RPS20: variants seen among roughly 807,000 people sequenced by gnomAD.
RPS20 encodes ribosomal protein S20, also known as small ribosomal subunit protein uS10.
Under a neutral mutation model 15.3 loss-of-function variants are expected in RPS20, and 3 were observed. That is an observed-to-expected ratio of 0.20 (90% confidence interval 0.09 to 0.51). The LOEUF is 0.51. Ranked by LOEUF, RPS20 falls within the 20% of genes least tolerant of loss-of-function variation. RPS20 has a pLI of 0.96. For synonymous variants in RPS20, 62 were observed against 47.8 expected (o/e 1.30, Z -1.23); for missense variants, 67 against 145.9 (o/e 0.46, Z 2.79).
chr8:56,069,772 C>T (rs1350905895), downstream of RPS20: 6 of 1,551,516 alleles, frequency 3.9e-6, no homozygotes, highest in South Asian at 1.2e-5. Context: ...TTCGAATACA[C>T]TTCTCAAAGT....
rs751272740 is a variant in RPS20, at chr8:56,073,099, T to C, written c.351A>G (p.Ala117=). 9.4e-6 allele frequency: 15 copies of C among 1,594,990 alleles called. No homozygotes were observed. The African/African-American group carries it at 1.3e-4, about 14-fold the overall frequency. Residue 117 remains alanine, a synonymous_variant, in exon 4 of 4, where the codon GCA becomes GCG. Transcript: ENST00000009589. ...TATTAAAATAGTTGACTTAAGCATCTGCAATGGTGACTTCCACCTCAACTC... is the reference window on the plus strand; with the variant it reads ...TATTAAAATAGTTGACTTAAGCATCCGCAATGGTGACTTCCACCTCAACTC... ...EPGVEVEVTI[A]DA
chr8:56,073,414 T>TTCACCACAA, intron 3 of RPS20, 142 bp from the exon 4 acceptor site: 1 of 688,954 alleles, frequency 1.5e-6, no homozygotes, highest in Non-Finnish European at 2.5e-6. Flanking sequence ...TCAGGTACCA[T>TTCACCACAA]GGGTTGAAAA....
chr8:56,068,620 G>A (rs923920077), downstream of RPS20: 1 of 150,958 alleles, frequency 6.6e-6, no homozygotes, highest in East Asian at 1.9e-4. Flanking sequence ...CAATCAATAG[G>A]AGTCCCAGAA....
At chr8:56,071,712 T>C (rs745730741), downstream of RPS20, among the ~76,000 whole-genome samples, 3 of 152,210 alleles carry the variant, frequency 2.0e-5, no homozygotes, top group African/African-American at 7.2e-5. Context: ...ATGCAGTTGG[T>C]TGTATACAGA....
At chr8:56,072,557 C>CA (rs201774378), downstream of RPS20, among the ~76,000 whole-genome samples, 10 of 146,218 alleles carry the variant, frequency 6.8e-5, no homozygotes, top group African/African-American at 2.1e-4. Context: ...GTCCCCCCCC[C>CA]CAAAAAAAAA....
At chr8:56,074,291 C>G in intron 1 of RPS20, 90 bp downstream of exon 1, 2 of 1,529,920 alleles carry the variant, frequency 1.3e-6, no homozygotes, top group Non-Finnish European at 1.8e-6. Context: ...CACGCCCCGG[C>G]ATCTGCCCTC....
At chr8:56,072,987 G>A (rs1809807893), downstream of RPS20, 1 of 1,478,760 alleles carries the variant, frequency 6.8e-7, no homozygotes, top group Non-Finnish European at 8.9e-7. Context: ...CCTGAAAAGT[G>A]GAAGTCTCAT....
Position 56,074,422 on chromosome 8 carries a change from G to A in RPS20, c.-39C>T, listed in dbSNP as rs771674295. On this transcript the variant is annotated 5_prime_UTR_variant, in exon 1 of 4. Transcript: ENST00000009589. ...GGGCTTCCTGACCGACTTGTTCCTC[G>A]GCGAGAGCGAACAGCGGTGAGTCAG... is the stretch of plus-strand genomic sequence containing the variant. The A allele has an allele frequency of 1.0e-5, 16 of 1,550,872 alleles. No individual in the cohort carries two copies. The highest frequency in any genetic ancestry group is 1.8e-4 in the Middle Eastern group (1 of 5,416).
At chr8:56,071,861 CA>C (rs1158324994), downstream of RPS20, among the ~76,000 whole-genome samples, 1 of 152,232 alleles carries the variant, frequency 6.6e-6, no homozygotes, top group Non-Finnish European at 1.5e-5. Context: ...GCAATCTTAA[CA>C]ATTTGTAGAT....
chr8:56,072,635 T>C (rs532038402), downstream of RPS20, among the ~76,000 whole-genome samples: 5,986 of 151,742 alleles, frequency 0.039, 397 homozygotes, highest in African/African-American at 0.14. Context: ...AAGTTTTAGT[T>C]CCTAAAACCC....
rs1809878522 is a variant in RPS20, at chr8:56,074,483, T to C, written c.-100A>G. 25 of 1,313,560 alleles carry C rather than the reference T, an allele frequency of 1.9e-5. No individual in the cohort carries two copies. The highest frequency in any genetic ancestry group is 2.5e-5 in the East Asian group (1 of 39,596). 81.4% of individuals were successfully genotyped at this position (1,313,560 alleles called of 1,614,324 possible). A position where few individuals can be genotyped will look rare whatever the true frequency, so the allele number is the denominator to read the frequency against. The stretch of plus-strand genomic sequence containing the variant: ...GTGCGGACCAAAAATCCTCAGCCCT[T>C]ACGACCGCGTCTTCCTCAAAAAGAA... On this transcript the variant is annotated 5_prime_UTR_variant, in exon 1 of 4. Coordinates refer to ENST00000009589, the MANE Select transcript of RPS20 (RefSeq NM_001023.4).
downstream of RPS20, among the ~76,000 whole-genome samples, chr8:56,070,194 T>G (rs1230964211): frequency 6.6e-6 from 1 of 152,182 alleles, no homozygotes; most frequent in Non-Finnish European, 1.5e-5. Context: ...AGTCTTGGTT[T>G]CTTTGGAAAA....
chr8:56,072,272 C>T (rs991228575), downstream of RPS20, among the ~76,000 whole-genome samples: 2 of 151,716 alleles, frequency 1.3e-5, no homozygotes, highest in African/African-American at 2.4e-5. Flanking sequence ...TGAAAATGGG[C>T]CAGGCATGGT....
downstream of RPS20, chr8:56,069,698 T>TA (rs1470919363): frequency 2.6e-6 from 4 of 1,541,508 alleles, no homozygotes; most frequent in East Asian, 9.8e-5. Context: ...TTTCTCCACT[T>TA]ATACCTGCTT....
intron 2 of RPS20, 46 bp from the exon 3 acceptor site, chr8:56,073,814 T>G (rs1478739236): frequency 1.3e-6 from 2 of 1,561,144 alleles, no homozygotes; most frequent in Non-Finnish European, 1.8e-6. Flanking sequence ...ACAATTAAAA[T>G]CGGCTTAAGG....
chr8:56,069,935 TA>T (rs1809706501), downstream of RPS20: 2 of 704,458 alleles, frequency 2.8e-6, no homozygotes, highest in Admixed American at 4.1e-5. Context: ...ACTACTTACA[TA>T]CCATTTACAT....
chr8:56,071,744 T>C (rs1410468635), downstream of RPS20, among the ~76,000 whole-genome samples: 1 of 152,160 alleles, frequency 6.6e-6, no homozygotes, highest in Non-Finnish European at 1.5e-5. Context: ...AAGGTCAATT[T>C]GAAAAGATAG....
Position 56,073,544 on chromosome 8 carries a change from T to C in RPS20, c.177+151A>G. The C allele has an allele frequency of 4.2e-6, 3 of 708,336 alleles. No homozygotes were observed. The South Asian group carries it at 4.9e-5, about 11-fold the overall frequency. The allele number at this position is 708,336 out of a possible 1,614,324, so 43.9% of individuals were successfully genotyped here. A position where few individuals can be genotyped will look rare whatever the true frequency, so the allele number is the denominator to read the frequency against. On this transcript the variant is annotated intron_variant, in intron 3 of 3. Coordinates refer to ENST00000009589, the MANE Select transcript of RPS20 (RefSeq NM_001023.4). ...ACAATCATATCTAAACATTAGCTAC[T>C]TACTAGGAACCGCAATCTACCACCG...
In RPS20 at chr8:56,073,168, A is replaced by C. The variant is rs1809814052; in HGVS notation, c.282T>G (p.Pro94=). 10 of 1,599,486 alleles carry C rather than the reference A, an allele frequency of 6.3e-6. No individual in the cohort carries two copies. The highest frequency in any genetic ancestry group is 8.5e-6 in the Non-Finnish European group (10 of 1,179,700). Residue 94 remains proline (P), a synonymous_variant, in exon 4 of 4, where the codon CCT becomes CCG. Transcript: ENST00000009589. ...AAGTAATCTGCTTAACAATCTCAGA[A>C]GGACTGTGCAAGTCAATGAGTCGCT... ...IHKRLIDLHS[P]SEIVKQITSI... is the part of the protein sequence containing the mutation.
Sources: gnomAD v4.1 joint callset for allele counts (sites outside exome capture counted in the v4.1 genomes callset) on GRCh38, gnomAD v4.1.1 for gene constraint, MANE v1.5 for transcripts, NCBI Gene and HGNC (gene_info 2026-07-23, HGNC 2026-07-21) for gene names.